Variants in TMEM217B observed in about 807,000 individuals in gnomAD.
TMEM217B encodes the protein transmembrane protein 217B.
At chr6:37,212,620 G>A in the TMEM217B span, 2,192 of 505,592 alleles carry the variant, frequency 4.3e-3, 32 homozygotes, top group African/African-American at 0.036. Context: ...ATAACTCAGC[G>A]TCTTGAAGTG....
chr6:37,215,087 C>CT, the TMEM217B span: 10 of 1,438,846 alleles, frequency 7.0e-6, no homozygotes, highest in African/African-American at 5.7e-5. Context: ...CTGCCCCAGC[C>CT]TTGGTCTCCA....
At chr6:37,257,824 A>G in the TMEM217B span, 2 of 1,410,168 alleles carry the variant, frequency 1.4e-6, no homozygotes, top group Non-Finnish European at 9.7e-7. Context: ...GCGGCGGGGA[A>G]GCGGCCTGGG....
chr6:37,225,942 G>A, the TMEM217B span, among the ~76,000 whole-genome samples: 174 of 152,286 alleles, frequency 1.1e-3, 1 homozygote, highest in African/African-American at 3.7e-3. Context: ...CCTATCAGCC[G>A]TGGGTCATTG....
the TMEM217B span, among the ~76,000 whole-genome samples, chr6:37,236,187 A>G: frequency 6.6e-6 from 1 of 152,114 alleles, no homozygotes; most frequent in Non-Finnish European, 1.5e-5. Context: ...TGGTCTCACT[A>G]TGTTGCCCAG....
chr6:37,218,753 C>T, the TMEM217B span: 5 of 1,614,048 alleles, frequency 3.1e-6, no homozygotes, highest in East Asian at 4.5e-5. Flanking sequence ...GATGACCAGG[C>T]CCCTGAAGAT....
At chr6:37,250,471 A>T in the TMEM217B span, among the ~76,000 whole-genome samples, 1 of 152,240 alleles carries the variant, frequency 6.6e-6, no homozygotes, top group South Asian at 2.1e-4. Context: ...GAGCAATGTA[A>T]ACTCACACTC....
At chr6:37,248,521 C>A in the TMEM217B span, among the ~76,000 whole-genome samples, 1 of 152,174 alleles carries the variant, frequency 6.6e-6, no homozygotes, top group Non-Finnish European at 1.5e-5. Context: ...AGTTACTTCT[C>A]TTACATTAAA....
At chr6:37,212,703 A>G in the TMEM217B span, 1 of 636,708 alleles carries the variant, frequency 1.6e-6, no homozygotes, top group Non-Finnish European at 2.9e-6. Flanking sequence ...TCCACATGGC[A>G]TAGATCAGCA....
At chr6:37,224,127 CAG>C in the TMEM217B span, among the ~76,000 whole-genome samples, 3 of 150,358 alleles carry the variant, frequency 2.0e-5, no homozygotes, top group Non-Finnish European at 4.4e-5. Context: ...TTAGTAGAGA[CAG>C]AGTTTTACCA....
the TMEM217B span, among the ~76,000 whole-genome samples, chr6:37,235,696 A>G: frequency 6.6e-6 from 1 of 152,136 alleles, no homozygotes; most frequent in African/African-American, 2.4e-5. Flanking sequence ...TGGAGGCTGG[A>G]AAGTCCAAGA....
the TMEM217B span, among the ~76,000 whole-genome samples, chr6:37,226,240 T>TTTTTG: frequency 7.3e-5 from 11 of 151,302 alleles, no homozygotes; most frequent in South Asian, 2.1e-4. Context: ...CCATTCTCTT[T>TTTTTG]TTTTGTTTTG....
At chr6:37,247,442 C>A in the TMEM217B span, among the ~76,000 whole-genome samples, 2 of 148,058 alleles carry the variant, frequency 1.4e-5, no homozygotes, top group East Asian at 4.0e-4. Context: ...GGCTGGAGTG[C>A]GGTGACGCGA....
the TMEM217B span, among the ~76,000 whole-genome samples, chr6:37,217,046 C>A: frequency 6.6e-6 from 1 of 152,302 alleles, no homozygotes; most frequent in East Asian, 1.9e-4. Flanking sequence ...GTACTCCCAG[C>A]ACTTTGGGAG....
the TMEM217B span, chr6:37,257,822 G>C: frequency 7.2e-7 from 1 of 1,398,322 alleles, no homozygotes; most frequent in Non-Finnish European, 9.8e-7. Flanking sequence ...CGGCGGCGGG[G>C]AAGCGGCCTG....
the TMEM217B span, among the ~76,000 whole-genome samples, chr6:37,222,645 C>G: frequency 6.6e-6 from 1 of 152,220 alleles, no homozygotes; most frequent in African/African-American, 2.4e-5. Context: ...TGCCTATTCC[C>G]GGCCCTCCTC....
the TMEM217B span, among the ~76,000 whole-genome samples, chr6:37,213,762 A>C: frequency 6.6e-6 from 1 of 152,264 alleles, no homozygotes; most frequent in Non-Finnish European, 1.5e-5. Flanking sequence ...AGGCTGGAGT[A>C]GGCTGGGCCT....
the TMEM217B span, among the ~76,000 whole-genome samples, chr6:37,255,335 G>A: frequency 6.6e-6 from 1 of 152,068 alleles, no homozygotes; most frequent in East Asian, 1.9e-4. Context: ...TACAATGGGG[G>A]CCATTGCAAA....
chr6:37,232,239 A>G, the TMEM217B span, among the ~76,000 whole-genome samples: 1 of 152,242 alleles, frequency 6.6e-6, no homozygotes, highest in Non-Finnish European at 1.5e-5. Context: ...GATCACAAAC[A>G]GAATAACATG....
At chr6:37,226,244 T>C in the TMEM217B span, among the ~76,000 whole-genome samples, 1 of 149,102 alleles carries the variant, frequency 6.7e-6, no homozygotes, top group Admixed American at 6.7e-5. Context: ...TCTCTTTTTT[T>C]GTTTTGTTTT....
Sources: gnomAD v4.1 joint callset for allele counts (sites outside exome capture counted in the v4.1 genomes callset) on GRCh38, gnomAD v4.1.1 for gene constraint, MANE v1.5 for transcripts, NCBI Gene and HGNC (gene_info 2026-07-23, HGNC 2026-07-21) for gene names.